The following GALNT17 variants were observed in gnomAD, a reference collection of about 807,000 sequenced individuals.
GALNT17 encodes the protein UDP-GalNAc:polypeptide N-acetylgalactosaminyltransferase-like 3.
In GALNT17, 29 loss-of-function variants were observed where a neutral mutation model predicts 63.7. That is an observed-to-expected ratio of 0.46 (90% confidence interval 0.34 to 0.62). The LOEUF is 0.62. Among genes scored for constraint, GALNT17 ranks in the 20% least tolerant of loss-of-function variants. GALNT17 has a pLI of 0.01. For missense variants in GALNT17, 603 were observed against 799.6 expected, an observed-to-expected ratio of 0.75 and a Z score of 2.97; for synonymous variants, 305 against 318.3, an observed-to-expected ratio of 0.96 and a Z score of 0.45.
At chr7:71,610,452 C>T (rs1790109620) in intron 6 of GALNT17, among the ~76,000 whole-genome samples, 1 of 151,954 alleles carries the variant, frequency 6.6e-6, no homozygotes, top group Admixed American at 6.6e-5. Flanking sequence ...TGCACTCCAG[C>T]CTGGGTGACA....
At chr7:71,477,217 T>G (rs1787739027) in intron 5 of GALNT17, among the ~76,000 whole-genome samples, 1 of 152,122 alleles carries the variant, frequency 6.6e-6, no homozygotes, top group Admixed American at 6.6e-5. Flanking sequence ...TGGGTTGTGT[T>G]GAGTGGGAAC....
Position 71,402,231 on chromosome 7 carries a change from A to C in GALNT17, c.590-13658A>C, listed in dbSNP as rs182945309. Among the ~76,000 whole-genome samples, 38 of 152,294 alleles carry C rather than the reference A, an allele frequency of 2.5e-4. 4 individuals carry two copies. In the East Asian group the frequency reaches 2.9e-3, roughly 12 times the overall value. On this transcript the variant is annotated intron_variant, in intron 3 of 10. Transcript: ENST00000333538. Reference sequence around the variant, plus strand: ...GCTCATGACATTATTTGATTTGCTAACTCCAGTTCATTCATCGGTATTCAA... The same window carrying C: ...GCTCATGACATTATTTGATTTGCTACCTCCAGTTCATTCATCGGTATTCAA...
intron 9 of GALNT17, among the ~76,000 whole-genome samples, chr7:71,704,495 T>TC (rs1562743546): frequency 6.6e-6 from 1 of 151,802 alleles, no homozygotes; most frequent in Admixed American, 6.6e-5. Flanking sequence ...TGCCTTTTTT[T>TC]TTTTTTTTGC....
chr7:71,504,657 T>C (rs1205600426), intron 5 of GALNT17, among the ~76,000 whole-genome samples: 4 of 152,230 alleles, frequency 2.6e-5, no homozygotes, highest in Non-Finnish European at 4.4e-5. Context: ...AGTTTACTTA[T>C]TTACCTAGTT....
intron 1 of GALNT17, among the ~76,000 whole-genome samples, chr7:71,281,813 A>C (rs970767558): frequency 1.3e-5 from 2 of 152,222 alleles, no homozygotes; most frequent in African/African-American, 4.8e-5. Flanking sequence ...GTGTGGGAAC[A>C]ATTTATGGTT....
chr7:71,471,783 T>C (rs1183003725), intron 5 of GALNT17, among the ~76,000 whole-genome samples: 2 of 152,160 alleles, frequency 1.3e-5, no homozygotes, highest in African/African-American at 4.8e-5. Context: ...ATCAGAGATA[T>C]TTGTTTTTCA....
At position 71,245,848 on chromosome 7, in the gene GALNT17, G is replaced by GTTTTTTTTTTTTTTTTTTTTTTTTTTTT. The variant is rs542136452; in HGVS notation, c.239-89686_239-89685insTTTTTTTTTTTTTTTTTTTTTTTTTTTT. Among the ~76,000 whole-genome samples, 61 of 122,868 alleles carry GTTTTTTTTTTTTTTTTTTTTTTTTTTTT rather than the reference G, an allele frequency of 5.0e-4. 3 individuals are homozygous for GTTTTTTTTTTTTTTTTTTTTTTTTTTTT. The highest frequency in any genetic ancestry group is 7.2e-4 in the Non-Finnish European group (41 of 56,756). The allele number at this position is 122,868 out of a possible 152,430, so 80.6% of individuals were successfully genotyped here. A position where few individuals can be genotyped will look rare whatever the true frequency, so the allele number is the denominator to read the frequency against. On this transcript the variant is annotated intron_variant, in intron 1 of 10. Coordinates refer to ENST00000333538, the MANE Select transcript of GALNT17 (RefSeq NM_022479.3). The stretch of plus-strand genomic sequence containing the variant: ...AGGTCTGCAGAGAGCAAGAGAGCAG[G>GTTTTTTTTTTTTTTTTTTTTTTTTTTTT]TTTTTTTTTTTTTTTTGCAAAGGTA...
chr7:71,315,259 TTATC>T (rs756749514), intron 1 of GALNT17, among the ~76,000 whole-genome samples: 1 of 152,224 alleles, frequency 6.6e-6, no homozygotes, highest in Non-Finnish European at 1.5e-5. Flanking sequence ...CACATTTTGT[TTATC>T]TATCCAACAG....
chr7:71,544,998 C>T (rs1487884126), intron 5 of GALNT17, among the ~76,000 whole-genome samples: 2 of 152,272 alleles, frequency 1.3e-5, no homozygotes, highest in East Asian at 3.9e-4. Context: ...TAGTAATTCT[C>T]ACTACTGTTG....
intron 1 of GALNT17, among the ~76,000 whole-genome samples, chr7:71,210,438 A>G (rs1225626512): frequency 6.6e-6 from 1 of 152,174 alleles, no homozygotes; most frequent in Non-Finnish European, 1.5e-5. Context: ...CTCCTGGCCG[A>G]GTGACAATTT....
intron 5 of GALNT17, among the ~76,000 whole-genome samples, chr7:71,540,471 A>G (rs1005026332): frequency 6.6e-6 from 1 of 151,904 alleles, no homozygotes; most frequent in Non-Finnish European, 1.5e-5. Flanking sequence ...GTAAACAACT[A>G]TGTAGTAAGC....
chr7:71,408,460 T>C (rs1793368655), intron 3 of GALNT17, among the ~76,000 whole-genome samples: 2 of 152,008 alleles, frequency 1.3e-5, no homozygotes, highest in Admixed American at 1.3e-4. Flanking sequence ...GTAGTAGCAG[T>C]GGTAGCAGGA....
chr7:71,242,244 CTT>C (rs796157853), intron 1 of GALNT17, among the ~76,000 whole-genome samples: 11 of 117,054 alleles, frequency 9.4e-5, no homozygotes, highest in African/African-American at 2.1e-4. Context: ...GATCACATTT[CTT>C]TTTTTTTTTT....
intron 6 of GALNT17, among the ~76,000 whole-genome samples, chr7:71,577,229 C>G (rs1486049829): frequency 6.6e-6 from 1 of 152,144 alleles, no homozygotes; most frequent in African/African-American, 2.4e-5. Context: ...AGACAGACAG[C>G]AGCCAAGGGT....
At chr7:71,327,293 TG>T (rs1488093732) in intron 1 of GALNT17, among the ~76,000 whole-genome samples, 1 of 152,164 alleles carries the variant, frequency 6.6e-6, no homozygotes, top group Admixed American at 6.5e-5. Flanking sequence ...TTCACATGGT[TG>T]GGGAAGCCTC....
chr7:71,360,088 G>T (rs578259835), intron 2 of GALNT17, among the ~76,000 whole-genome samples: 2 of 152,280 alleles, frequency 1.3e-5, no homozygotes, highest in East Asian at 3.9e-4. Context: ...AAGTTTCAAA[G>T]AACTGAAGTA....
intron 1 of GALNT17, among the ~76,000 whole-genome samples, chr7:71,292,770 A>T (rs1385262562): frequency 6.6e-6 from 1 of 150,678 alleles, no homozygotes; most frequent in African/African-American, 2.4e-5. Context: ...CAGTATTGTT[A>T]ACTTTGTCAT....
intron 1 of GALNT17, among the ~76,000 whole-genome samples, chr7:71,323,842 A>C (rs1041351969): frequency 6.6e-6 from 1 of 152,222 alleles, no homozygotes; most frequent in Non-Finnish European, 1.5e-5. Context: ...TATGTGCAAG[A>C]CACAAAGATG....
At chr7:71,596,015 T>G (rs1379783553) in intron 6 of GALNT17, among the ~76,000 whole-genome samples, 1 of 152,016 alleles carries the variant, frequency 6.6e-6, no homozygotes, top group East Asian at 1.9e-4. Context: ...GAAAATGGGA[T>G]TGATTTCTTG....
Sources: gnomAD v4.1 joint callset for allele counts (sites outside exome capture counted in the v4.1 genomes callset) on GRCh38, gnomAD v4.1.1 for gene constraint, MANE v1.5 for transcripts, NCBI Gene and HGNC (gene_info 2026-07-23, HGNC 2026-07-21) for gene names.